Variants in MAGEC1 observed in about 807,000 individuals in gnomAD.
MAGEC1 encodes the protein melanoma-associated antigen C1.
MAGEC1 carries 3 observed loss-of-function variants against 1.5 expected under a neutral mutation model. The ratio of observed to expected loss-of-function variants is 1.97; its 90% CI spans 0.90 to 5.10. The LOEUF (loss-of-function observed/expected upper bound fraction) is 5.10, where lower values mean the gene tolerates loss of function less well. Ranked by LOEUF, MAGEC1 falls within the 30% of genes most tolerant of loss-of-function variation. The pLI, the probability that MAGEC1 is intolerant of heterozygous loss-of-function variation, is 0.02. For missense variants in MAGEC1, 985 were observed against 803.1 expected, an observed-to-expected ratio of 1.23 and a Z score of -2.74; for synonymous variants, 357 against 310.4, an observed-to-expected ratio of 1.15 and a Z score of -1.58.
chrX:141,904,226 C>T (rs770885629), intron 1 of MAGEC1, among the ~76,000 whole-genome samples: 109 of 111,985 alleles, frequency 9.7e-4, no homozygotes, highest in Non-Finnish European at 1.4e-3. Context: ...TCCCACCCTG[C>T]TCCTCAAATC....
At chrX:141,904,919 G>C in intron 2 of MAGEC1, 51 bp from the exon 3 acceptor site, 3 of 851,791 alleles carry the variant, frequency 3.5e-6, no homozygotes, top group Non-Finnish European at 1.7e-6. Flanking sequence ...TGGTGCCTCA[G>C]GCTCTGCCTG....
intron 1 of MAGEC1, among the ~76,000 whole-genome samples, chrX:141,904,246 A>G (rs1037159802): frequency 9.0e-6 from 1 of 111,588 alleles, no homozygotes; most frequent in African/African-American, 3.3e-5. Context: ...CAGCCCCCAT[A>G]GAGCTCCCCA....
rs142984815 is a variant in MAGEC1 at position 141,906,800 on chromosome X, A to G, written c.1396A>G (p.Thr466Ala). ...LSLFQSSPERTHSTFEGFPQS... is the reference protein window; with the variant it reads ...LSLFQSSPERAHSTFEGFPQS... The stretch of plus-strand genomic sequence containing the variant: ...TCTTTTCCAGAGTTCCCCTGAGAGA[A>G]CTCACAGTACTTTTGAGGGTTTTCC... The change falls in exon 4 of 4, where the codon ACT becomes GCT. Residue 466 changes from threonine (T) to alanine (A), a missense_variant. By Grantham distance (58) the Thr-to-Ala change is moderately conservative. Coordinates refer to ENST00000285879, the MANE Select transcript of MAGEC1 (RefSeq NM_005462.5). 4.5e-5 allele frequency: 53 copies of G among 1,188,829 alleles called. No individual in the cohort carries two copies. The African/African-American group carries it at 9.6e-4, about 22-fold the overall frequency.
rs1016365000 is a variant in MAGEC1 at position 141,904,049 on chromosome X, C to T, written c.-202+71C>T. 2.7e-5 allele frequency: 3 copies of T among 111,926 alleles called. No homozygotes were observed. The East Asian group carries it at 8.6e-4, about 32-fold the overall frequency. The allele number at this position is 111,926 out of a possible 1,213,427, so 9.2% of individuals were successfully genotyped here. On this transcript the variant is annotated intron_variant, in intron 1 of 3. Transcript: ENST00000285879. ...GAAGCAGCCCTGGCCTGCCCTATCC[C>T]TGCGGTGGCACTTGTAGGTGGCGGA...
In MAGEC1 at chrX:141,904,780, C is replaced by T; in HGVS notation, c.-138C>T. 2.6e-6 allele frequency: 1 copy of T among 390,183 alleles called. No homozygotes were observed. The highest frequency in any genetic ancestry group is 4.5e-6 in the Non-Finnish European group (1 of 222,384). 32.2% of individuals were successfully genotyped at this position (390,183 alleles called of 1,213,427 possible). On this transcript the variant is annotated 5_prime_UTR_variant, in exon 2 of 4. Coordinates refer to ENST00000285879, the MANE Select transcript of MAGEC1 (RefSeq NM_005462.5). Reference sequence around the variant, plus strand: ...GGACACATACATCCTAAAAGCACCACAGCAGAGGAGGCCCAGGCAGTGCCA... The same window carrying T: ...GGACACATACATCCTAAAAGCACCATAGCAGAGGAGGCCCAGGCAGTGCCA...
chrX:141,905,636 TCTC>T lies in MAGEC1; in HGVS notation c.236_238del (p.Pro79del). 1 of 1,210,449 alleles carries T rather than the reference TCTC, an allele frequency of 8.3e-7. No individual in the cohort carries two copies. The highest frequency in any genetic ancestry group is 1.8e-5 in the South Asian group (1 of 56,892). On this transcript the variant is annotated inframe_deletion, in exon 4 of 4. Coordinates refer to ENST00000285879, the MANE Select transcript of MAGEC1 (RefSeq NM_005462.5). Reference sequence around the variant, plus strand: ...ACCTCCTGAGGGGAAGGACTCCCAGTCTCCTCTCCAGATTCCCCAGAGTTCTCC... The same window carrying T: ...ACCTCCTGAGGGGAAGGACTCCCAGTCTCTCCAGATTCCCCAGAGTTCTCC...
chrX:141,905,145 C>G, intron 3 of MAGEC1, 69 bp downstream of exon 3: 2 of 1,172,052 alleles, frequency 1.7e-6, no homozygotes, highest in South Asian at 3.6e-5. Context: ...CCCATCATAC[C>G]TATTCGTGTT....
Position 141,908,311 on chromosome X carries a change from C to G in MAGEC1, c.2907C>G (p.Asp969Glu), listed in dbSNP as rs149134183. 5.2e-5 allele frequency: 63 copies of G among 1,209,558 alleles called. No individual in the cohort carries two copies. In the African/African-American group the frequency reaches 1.0e-3, roughly 20 times the overall value. The stretch of plus-strand genomic sequence containing the variant: ...TTGGCATTTCCCTGAGAGAAGTGGA[C>G]CCTGATGACTCCTATGTCTTTGTAA... The part of the protein sequence containing the change: ...ILFGISLREV[D>E]PDDSYVFVNT... The change falls in exon 4 of 4, where the codon GAC becomes GAG. Residue 969 changes from aspartate to glutamate, a missense_variant. Physicochemically the swap from Asp to Glu is conservative, Grantham distance 45. Transcript: ENST00000285879.
Position 141,908,565 on chromosome X carries a change from T to G in MAGEC1, c.3161T>G (p.Leu1054Arg), listed in dbSNP as rs775127882. 29 of 1,199,957 alleles carry G rather than the reference T, an allele frequency of 2.4e-5. No individual in the cohort carries two copies. The South Asian group carries it at 5.3e-4, about 22-fold the overall frequency. Reference sequence around the variant, plus strand: ...AAAGTTTGGGTGCAGGAACATTACCTAGAGTACCGGGAGGTGCCCAACTCT... The same window carrying G: ...AAAGTTTGGGTGCAGGAACATTACCGAGAGTACCGGGAGGTGCCCAACTCT... ...LTKVWVQEHY[L>R]EYREVPNSSP... The change falls in exon 4 of 4, where the codon CTA becomes CGA. Residue 1054 changes from leucine (L) to arginine (R), a missense_variant. By Grantham distance (102) the Leu-to-Arg change is moderately radical. Coordinates refer to ENST00000285879, the MANE Select transcript of MAGEC1 (RefSeq NM_005462.5).
At position 141,905,498 on chromosome X, in the gene MAGEC1, CA is replaced by C; in HGVS notation, c.95del (p.Gln32ArgfsTer81). Reference protein sequence around the residue: ...PQSCPEGEDSQSPLQIPQSSP... With the variant: ...PQSCPEGEDSXSPLQIPQSSP... ...GAGTTGTCCTGAGGGGGAGGACTCC[CA>C]GTCTCCTCTCCAGATTCCCCAGAGT... On this transcript the variant is annotated frameshift_variant, in exon 4 of 4. Coordinates refer to ENST00000285879, the MANE Select transcript of MAGEC1 (RefSeq NM_005462.5). LOFTEE classifies it low-confidence loss of function (END_TRUNC). The C allele has an allele frequency of 8.3e-7, 1 of 1,209,867 alleles. No individual in the cohort carries two copies. The highest frequency in any genetic ancestry group is 1.8e-5 in the South Asian group (1 of 56,956).
Position 141,909,103 on chromosome X carries a change from T to G in MAGEC1, c.*270T>G. On this transcript the variant is annotated 3_prime_UTR_variant, in exon 4 of 4. Transcript: ENST00000285879. ...GGTTTAAGAGTAACAGTTTGATATTTTGTAAAAACAAAAACACACCCAAAC... is the reference window on the plus strand; with the variant it reads ...GGTTTAAGAGTAACAGTTTGATATTGTGTAAAAACAAAAACACACCCAAAC... 1 of 249,951 alleles carries G rather than the reference T, an allele frequency of 4.0e-6. No individual in the cohort carries two copies. Among genetic ancestry groups the G allele is most frequent in the Non-Finnish European group, 7.1e-6 (1 of 140,165 alleles). 20.6% of individuals were successfully genotyped at this position (249,951 alleles called of 1,213,427 possible).
At chrX:141,905,108 T>C in intron 3 of MAGEC1, 32 bp downstream of exon 3, 1 of 1,209,492 alleles carries the variant, frequency 8.3e-7, no homozygotes, top group East Asian at 3.0e-5. Flanking sequence ...ACTGGCACTG[T>C]CCCTCTCTCC....
rs1246559597 is a variant in MAGEC1, at chrX:141,906,149, T to C, written c.745T>C (p.Phe249Leu). ...CTCCTCCTCCACTTTACTGAGTCTT[T>C]TCCAGAGTTTCTCTGAGAGAACTCA... ...PSSSSTLLSL[F>L]QSFSERTQST... The change falls in exon 4 of 4, where the codon TTC (phenylalanine) becomes CTC (leucine). Residue 249 changes from phenylalanine (F) to leucine (L), a missense_variant. Phe to Leu is a conservative substitution (Grantham distance 22, BLOSUM62 0). Transcript: ENST00000285879. 1 of 701,579 alleles carries C rather than the reference T, an allele frequency of 1.4e-6. No individual in the cohort carries two copies. Among genetic ancestry groups the C allele is most frequent in the African/African-American group, 2.4e-5 (1 of 41,445 alleles). 57.8% of individuals were successfully genotyped at this position (701,579 alleles called of 1,213,427 possible).
rs1344942936 is a variant in MAGEC1, at chrX:141,908,065, G to A, written c.2661G>A (p.Glu887=). ...CAAGTTCCTCAGACACCTTGCTAGA[G>A]AGTGATTCCTTGACAGACAGCGAGT... The part of the protein sequence containing the change: ...EYTSSSDTLL[E]SDSLTDSESL... The change falls in exon 4 of 4, where the codon GAG becomes GAA. Residue 887 remains glutamate (E), a synonymous_variant. Transcript: ENST00000285879. 5 of 1,212,077 alleles carry A rather than the reference G, an allele frequency of 4.1e-6. No individual in the cohort carries two copies. The Admixed American group carries it at 6.5e-5, about 16-fold the overall frequency.
rs750681693 is a variant in MAGEC1, at chrX:141,906,763, C to T, written c.1359C>T (p.Tyr453=). The change falls in exon 4 of 4, where the codon TAC becomes TAT. Residue 453 remains tyrosine, a synonymous_variant. Transcript: ENST00000285879. ...LQIPVSSSFS[Y]TLLSLFQSSP... ...TTCCTGTGAGCTCCTCTTTCTCCTA[C>T]ACTTTATTGAGTCTTTTCCAGAGTT... 1.2e-5 allele frequency: 15 copies of T among 1,201,474 alleles called. No individual in the cohort carries two copies. Among genetic ancestry groups the T allele is most frequent in the African/African-American group, 3.6e-5 (2 of 55,311 alleles).
Position 141,907,114 on chromosome X carries a change from G to C in MAGEC1, c.1710G>C (p.Gln570His), listed in dbSNP as rs766075324. 1 of 1,200,625 alleles carries C rather than the reference G, an allele frequency of 8.3e-7. No individual in the cohort carries two copies. Among genetic ancestry groups the C allele is most frequent in the African/African-American group, 1.8e-5 (1 of 54,757 alleles). The change falls in exon 4 of 4, where the codon CAG becomes CAC. Residue 570 changes from glutamine (Q) to histidine (H), a missense_variant. By Grantham distance (24) the Gln-to-His change is conservative (BLOSUM62 0). Coordinates refer to ENST00000285879, the MANE Select transcript of MAGEC1 (RefSeq NM_005462.5). ...ACTACTTTCCTCAGAGCCCTCCTCA[G>C]GGGGAGGACTCCCTGTCTCCTCACT... ...SPHYFPQSPP[Q>H]GEDSLSPHYF...
At position 141,908,192 on chromosome X, in the gene MAGEC1, A is replaced by G. The variant is rs761239256; in HGVS notation, c.2788A>G (p.Thr930Ala). 1 of 1,211,872 alleles carries G rather than the reference A, an allele frequency of 8.3e-7. No individual in the cohort carries two copies. Among genetic ancestry groups the G allele is most frequent in the South Asian group, 1.8e-5 (1 of 56,982 alleles). The change falls in exon 4 of 4, where the codon ACA (threonine) becomes GCA (alanine). Residue 930 changes from threonine to alanine, a missense_variant. Thr to Ala is a moderately conservative substitution (Grantham distance 58). Transcript: ENST00000285879. ...CAAATATCAAGTGAAGCAGCCTATC[A>G]CAAAGGCAGAGATGCTGACGAATGT... Reference protein sequence around the residue: ...LLKYQVKQPITKAEMLTNVIS... With the variant: ...LLKYQVKQPIAKAEMLTNVIS...
At position 141,908,169 on chromosome X, in the gene MAGEC1, A is replaced by G. The variant is rs763484004; in HGVS notation, c.2765A>G (p.Lys922Arg). 1.7e-5 allele frequency: 20 copies of G among 1,210,007 alleles called. No individual in the cohort carries two copies. Among genetic ancestry groups the G allele is most frequent in the Non-Finnish European group, 1.1e-5 (10 of 895,272 alleles). The change falls in exon 4 of 4, where the codon AAA (lysine) becomes AGA (arginine). Residue 922 changes from lysine to arginine, a missense_variant. By Grantham distance (26) the Lys-to-Arg change is conservative (BLOSUM62 2). Coordinates refer to ENST00000285879, the MANE Select transcript of MAGEC1 (RefSeq NM_005462.5). ...GAGTTGGCGCGGTTTCTTCTCCTCA[A>G]ATATCAAGTGAAGCAGCCTATCACA... ...VDELARFLLL[K>R]YQVKQPITKA...
rs1408847026 is a variant in MAGEC1, at chrX:141,907,323, T to C, written c.1919T>C (p.Leu640Pro). ...TGCTCCTCCTCCACTCCATCCAGTC[T>C]TCCCCAGAGTTTCCCTGAGAGTTCT... ...SICSSSTPSS[L>P]PQSFPESSQS... is the part of the protein sequence containing the mutation. Residue 640 changes from leucine to proline, a missense_variant, in exon 4 of 4, where the codon CTT becomes CCT. By Grantham distance (98) the Leu-to-Pro change is moderately conservative (BLOSUM62 -3). Transcript: ENST00000285879. 1 of 1,206,771 alleles carries C rather than the reference T, an allele frequency of 8.3e-7. No individual in the cohort carries two copies. Among genetic ancestry groups the C allele is most frequent in the Non-Finnish European group, 1.1e-6 (1 of 893,901 alleles).
Sources: allele counts gnomAD v4.1 joint callset (sites outside exome capture counted in the v4.1 genomes callset), GRCh38; gene constraint gnomAD v4.1.1; transcripts MANE v1.5; gene names NCBI Gene and HGNC (gene_info 2026-07-23, HGNC 2026-07-21).